The following DCDC1 variants were observed in gnomAD, a reference collection of about 807,000 sequenced individuals.
DCDC1 encodes doublecortin domain-containing protein 1.
DCDC1 carries 200 observed loss-of-function variants against 178.3 expected under a neutral mutation model. The ratio of observed to expected loss-of-function variants is 1.12; its 90% CI spans 1.00 to 1.26. The LOEUF (loss-of-function observed/expected upper bound fraction) is 1.26, where lower values mean the gene tolerates loss of function less well. DCDC1 is among the 50% of genes most tolerant of loss of function. DCDC1 has a pLI of 0.00. For synonymous variants in DCDC1, 690 were observed against 604.8 expected (o/e 1.14, Z -2.07); for missense variants, 1,983 against 1,749.2 (o/e 1.13, Z -2.38).
At chr11:31,245,997 CTA>C (rs1396016320) in intron 8 of DCDC1, among the ~76,000 whole-genome samples, 1 of 151,840 alleles carries the variant, frequency 6.6e-6, no homozygotes, top group Admixed American at 6.6e-5. Context: ...TCAAATTTGT[CTA>C]TCAGATTTAG....
chr11:31,106,874 C>T lies in DCDC1; in HGVS notation c.1674G>A (p.Glu558=), dbSNP rs1958883529. The T allele has an allele frequency of 1.3e-6, 1 of 765,946 alleles. No homozygotes were observed. Among genetic ancestry groups the T allele is most frequent in the Non-Finnish European group, 2.4e-6 (1 of 417,810 alleles). 47.4% of individuals were successfully genotyped at this position (765,946 alleles called of 1,614,324 possible). Residue 558 remains glutamate (E), a synonymous_variant, in exon 13 of 39, where the codon GAG becomes GAA. Transcript: ENST00000684477. Reference sequence around the variant, plus strand: ...GTGGATTCTTAATTTCTTGGCCATTCTCATCAAAAAGCCGCATTGAAGAAT... The same window carrying T: ...GTGGATTCTTAATTTCTTGGCCATTTTCATCAAAAAGCCGCATTGAAGAAT... The part of the protein sequence containing the change: ...LNYSSMRLFD[E]NGQEIKNPLS...
chr11:30,971,103 A>G (rs1016468927), intron 20 of DCDC1, among the ~76,000 whole-genome samples: 1 of 152,198 alleles, frequency 6.6e-6, no homozygotes, highest in African/African-American at 2.4e-5. Flanking sequence ...CCACTGAGGA[A>G]ATCACAGACA....
Position 31,265,512 on chromosome 11 carries a change from G to A in DCDC1, c.1049C>T (p.Ser350Leu). ...DLYGRKIEDI[S>L]KVPLLEKCLQ... ...ACAAAATCTTTGCCACTTACCTTTT[G>A]AAATATCTTCAATTTTTCTGCCATA... Residue 350 changes from serine (S) to leucine (L), a missense_variant, in exon 8 of 39, where the codon TCA becomes TTA. Ser to Leu is a moderately radical substitution (Grantham distance 145, BLOSUM62 -2). Coordinates refer to ENST00000684477, the MANE Select transcript of DCDC1 (RefSeq NM_001387274.1). 7.1e-7 allele frequency: 1 copy of A among 1,410,636 alleles called. No individual in the cohort carries two copies. The highest frequency in any genetic ancestry group is 9.4e-7 in the Non-Finnish European group (1 of 1,068,736). 87.4% of individuals were successfully genotyped at this position (1,410,636 alleles called of 1,614,324 possible).
intron 17 of DCDC1, among the ~76,000 whole-genome samples, chr11:31,081,952 CT>C (rs1370468142): frequency 2.0e-5 from 3 of 152,152 alleles, no homozygotes; most frequent in Admixed American, 6.5e-5. Flanking sequence ...AAAAGTGTAT[CT>C]GCCTATTTTT....
intron 9 of DCDC1, among the ~76,000 whole-genome samples, chr11:31,235,223 T>C (rs1488567218): frequency 3.3e-5 from 5 of 152,064 alleles, no homozygotes; most frequent in Non-Finnish European, 2.9e-5. Context: ...TCATTTCCAT[T>C]TTTTACAATT....
chr11:31,045,311 C>A (rs1954765981), intron 20 of DCDC1, among the ~76,000 whole-genome samples: 1 of 151,952 alleles, frequency 6.6e-6, no homozygotes, highest in Admixed American at 6.6e-5. Flanking sequence ...TTGTGCGACC[C>A]ACTTCTTACA....
intron 20 of DCDC1, among the ~76,000 whole-genome samples, chr11:30,982,862 C>T (rs752304360): frequency 1.8e-4 from 28 of 152,068 alleles, no homozygotes; most frequent in Admixed American, 3.3e-4. Flanking sequence ...GAGCCATCCA[C>T]GGGTTCTCAA....
At chr11:30,913,855 G>T (rs931944082) in intron 27 of DCDC1, among the ~76,000 whole-genome samples, 3 of 152,164 alleles carry the variant, frequency 2.0e-5, no homozygotes, top group African/African-American at 4.8e-5. Flanking sequence ...TTGCCGTAGG[G>T]TCACATTCTC....
chr11:30,887,438 A>G (rs1436204330), intron 36 of DCDC1, among the ~76,000 whole-genome samples: 1 of 152,194 alleles, frequency 6.6e-6, no homozygotes, highest in African/African-American at 2.4e-5. Context: ...TAACAGATCA[A>G]CGTAATGTGT....
intron 9 of DCDC1, among the ~76,000 whole-genome samples, chr11:31,213,369 G>C (rs1387439458): frequency 2.0e-5 from 3 of 151,674 alleles, no homozygotes; most frequent in African/African-American, 4.8e-5. Flanking sequence ...TTATCAATTT[G>C]TTTAACATCT....
chr11:30,879,461 C>T (rs544810918), intron 37 of DCDC1, among the ~76,000 whole-genome samples: 24 of 152,192 alleles, frequency 1.6e-4, no homozygotes, highest in African/African-American at 5.3e-4. Flanking sequence ...AGACTTTCTG[C>T]GATCAGAGAT....
chr11:30,968,711 T>TATATATATATATATATATATATATA (rs1949594817), intron 20 of DCDC1, among the ~76,000 whole-genome samples: 3 of 61,038 alleles, frequency 4.9e-5, no homozygotes, highest in African/African-American at 7.8e-5. Context: ...ATATATCAAA[T>TATATATATATATATATATATATATA]TATATATATA....
rs1032006514 is a variant in DCDC1 at position 30,927,943 on chromosome 11, A to T, written c.2898-2535T>A. On this transcript the variant is annotated intron_variant, in intron 22 of 38. Transcript: ENST00000684477. ...TTGATTTGGTAAAAAAATACTGATTAAAAAAAATTACAACATATTTCATAA... is the reference window on the plus strand; with the variant it reads ...TTGATTTGGTAAAAAAATACTGATTTAAAAAAATTACAACATATTTCATAA... 9.9e-5 allele frequency among the ~76,000 whole-genome samples: 15 copies of T among 151,614 alleles called. No individual in the cohort carries two copies. The South Asian group carries it at 3.1e-3, about 32-fold the overall frequency.
At chr11:30,923,968 T>G (rs1946431346) in intron 23 of DCDC1, among the ~76,000 whole-genome samples, 1 of 152,174 alleles carries the variant, frequency 6.6e-6, no homozygotes, top group Non-Finnish European at 1.5e-5. Context: ...TGGACATATT[T>G]AATCATGTAA....
intron 17 of DCDC1, among the ~76,000 whole-genome samples, chr11:31,085,738 C>T (rs1476196347): frequency 1.3e-5 from 2 of 151,974 alleles, no homozygotes; most frequent in South Asian, 2.1e-4. Flanking sequence ...CACAGGGTCT[C>T]GCTCTGTCAC....
At chr11:31,234,396 G>A (rs988559322) in intron 9 of DCDC1, among the ~76,000 whole-genome samples, 1 of 152,056 alleles carries the variant, frequency 6.6e-6, no homozygotes, top group Non-Finnish European at 1.5e-5. Flanking sequence ...TCGAACTAAC[G>A]CTACTAACAA....
intron 38 of DCDC1, among the ~76,000 whole-genome samples, chr11:30,876,925 C>G (rs1313083801): frequency 1.3e-5 from 2 of 151,062 alleles, no homozygotes; most frequent in Non-Finnish European, 2.9e-5. Flanking sequence ...TTTTGACTTT[C>G]TTGCTTAAAA....
intron 1 of DCDC1, among the ~76,000 whole-genome samples, chr11:31,359,674 A>G (rs1221234557): frequency 6.6e-6 from 1 of 152,134 alleles, no homozygotes; most frequent in Middle Eastern, 3.2e-3. Context: ...CTGGATCACA[A>G]AGTTCTGAAG....
At chr11:31,271,393 A>G (rs532315156) in intron 7 of DCDC1, among the ~76,000 whole-genome samples, 1 of 152,302 alleles carries the variant, frequency 6.6e-6, no homozygotes, top group South Asian at 2.1e-4. Flanking sequence ...TACCACTGAT[A>G]TTGAAACGTA....
Sources: gnomAD v4.1 joint callset for allele counts (sites outside exome capture counted in the v4.1 genomes callset) on GRCh38, gnomAD v4.1.1 for gene constraint, MANE v1.5 for transcripts, NCBI Gene and HGNC (gene_info 2026-07-23, HGNC 2026-07-21) for gene names.